FRMPD1: variants seen among roughly 807,000 people sequenced by gnomAD.
FRMPD1 encodes FERM and PDZ domain-containing protein 1.
FRMPD1 carries 76 observed loss-of-function variants against 117.8 expected under a neutral mutation model. The observed-to-expected ratio is 0.65, with a 90% CI of 0.54 to 0.78. FRMPD1 has a LOEUF of 0.78. Ranked by LOEUF, FRMPD1 falls within the 30% of genes least tolerant of loss-of-function variation. FRMPD1 has a pLI of 0.00. For synonymous variants in FRMPD1, 783 were observed against 770.4 expected (o/e 1.02, Z -0.27); for missense variants, 1,786 against 1,964.5 (o/e 0.91, Z 1.72).
Position 37,658,541 on chromosome 9 carries a change from G to A in FRMPD1, c.-5+7447G>A, listed in dbSNP as rs191659345. Among the ~76,000 whole-genome samples the A allele has an allele frequency of 4.6e-5, 7 of 152,304 alleles. No homozygotes were observed. In the East Asian group the frequency reaches 1.3e-3, roughly 29 times the overall value. On this transcript the variant is annotated intron_variant, in intron 1 of 15. Transcript: ENST00000377765. Reference sequence around the variant, plus strand: ...CTGGAGGCCAGAAGTACAAAATCGAGATGTTGGTAGTGCTGCTGTCCCACT... The same window carrying A: ...CTGGAGGCCAGAAGTACAAAATCGAAATGTTGGTAGTGCTGCTGTCCCACT...
intron 12 of FRMPD1, among the ~76,000 whole-genome samples, chr9:37,735,092 G>T (rs1450828696): frequency 6.6e-6 from 1 of 152,190 alleles, no homozygotes; most frequent in Non-Finnish European, 1.5e-5. Flanking sequence ...ATTAAAATAA[G>T]AAGTCATAAG....
chr9:37,699,279 A>T (rs1822446034), intron 2 of FRMPD1, among the ~76,000 whole-genome samples: 1 of 151,888 alleles, frequency 6.6e-6, no homozygotes, highest in South Asian at 2.1e-4. Context: ...ATACTATTAA[A>T]ACAAATAAGC....
chr9:37,733,890 ATG>A (rs1824007139), intron 12 of FRMPD1, 65 bp downstream of exon 12: 5 of 930,880 alleles, frequency 5.4e-6, no homozygotes, highest in Non-Finnish European at 8.8e-6. Flanking sequence ...CTGAAAATCA[ATG>A]TGTCTTTTAG....
rs549108063 is a variant in FRMPD1 at position 37,743,353 on chromosome 9, G to A, written c.2357-1036G>A. On this transcript the variant is annotated intron_variant, in intron 15 of 15. Transcript: ENST00000377765. Reference sequence around the variant, plus strand: ...GCACCATTGGCACTAAAAGACTTGGGTTAACATCAGCACAAAGAAAAAGTG... The same window carrying A: ...GCACCATTGGCACTAAAAGACTTGGATTAACATCAGCACAAAGAAAAAGTG... 1.1e-4 allele frequency among the ~76,000 whole-genome samples: 16 copies of A among 152,140 alleles called. 1 individual carries two copies. The South Asian group carries it at 1.7e-3, about 16-fold the overall frequency.
At chr9:37,708,636 T>C (rs1226164114) in intron 4 of FRMPD1, 135 bp downstream of exon 4, 4 of 596,848 alleles carry the variant, frequency 6.7e-6, no homozygotes, top group Non-Finnish European at 1.2e-5. Context: ...AACAGCCTCG[T>C]TTTAGAGTTC....
At chr9:37,692,456 A>C (rs1264083523) in intron 1 of FRMPD1, among the ~76,000 whole-genome samples, 182 bp from the exon 2 acceptor site, 1 of 152,204 alleles carries the variant, frequency 6.6e-6, no homozygotes, top group South Asian at 2.1e-4. Flanking sequence ...GAGGGTTGCT[A>C]AAGTTGTTCA....
At chr9:37,650,786 G>C (rs1820643641), upstream of FRMPD1, among the ~76,000 whole-genome samples, 1 of 151,152 alleles carries the variant, frequency 6.6e-6, no homozygotes, top group African/African-American at 2.4e-5. Flanking sequence ...GCGGCGGGCC[G>C]GGACCTCGGA....
At chr9:37,706,894 G>A (rs949696539) in intron 2 of FRMPD1, among the ~76,000 whole-genome samples, 3 of 152,150 alleles carry the variant, frequency 2.0e-5, no homozygotes, top group African/African-American at 7.2e-5. Context: ...CCAGCAGTAT[G>A]TCCTGCCTGG....
the FRMPD1 span, among the ~76,000 whole-genome samples, chr9:37,622,098 A>G: frequency 2.6e-5 from 4 of 152,180 alleles, no homozygotes; most frequent in Non-Finnish European, 5.9e-5. Flanking sequence ...TAATACTTTC[A>G]TAGTGGATTA....
At chr9:37,677,577 G>A (rs1461906611) in intron 1 of FRMPD1, among the ~76,000 whole-genome samples, 1 of 152,208 alleles carries the variant, frequency 6.6e-6, no homozygotes. Context: ...GGAGGCTAAG[G>A]GAACTTGTCC....
chr9:37,724,165 C>T, intron 6 of FRMPD1, 60 bp from the exon 7 acceptor site: 1 of 852,380 alleles, frequency 1.2e-6, no homozygotes, highest in Non-Finnish European at 2.0e-6. Flanking sequence ...CAGAGAGAGA[C>T]CCTGTCTCCA....
intron 5 of FRMPD1, among the ~76,000 whole-genome samples, chr9:37,717,430 A>T (rs896084951): frequency 7.1e-6 from 1 of 141,132 alleles, no homozygotes. Context: ...TCCAGGCTGG[A>T]GTACAGTGGT....
At chr9:37,679,404 C>G (rs190602240) in intron 1 of FRMPD1, among the ~76,000 whole-genome samples, 132 of 152,338 alleles carry the variant, frequency 8.7e-4, no homozygotes, top group Admixed American at 1.4e-3. Context: ...TTTACTCATT[C>G]AAAGCATACA....
At chr9:37,631,172 A>G in the FRMPD1 span, among the ~76,000 whole-genome samples, 11 of 152,368 alleles carry the variant, frequency 7.2e-5, no homozygotes, top group South Asian at 2.3e-3. Context: ...ACAGCATGTT[A>G]AAAAGCACTT....
intron 6 of FRMPD1, among the ~76,000 whole-genome samples, chr9:37,721,338 T>G (rs1007492549): frequency 1.3e-5 from 2 of 152,208 alleles, no homozygotes; most frequent in African/African-American, 4.8e-5. Context: ...ACTTTTCCCC[T>G]TGGAACATGA....
At chr9:37,711,235 A>G in intron 4 of FRMPD1, 115 bp from the exon 5 acceptor site, 2 of 750,906 alleles carry the variant, frequency 2.7e-6, no homozygotes, top group East Asian at 2.5e-5. Flanking sequence ...GCTGCTTTAT[A>G]CTCATTCTGC....
chr9:37,743,107 C>T (rs1320246928), intron 15 of FRMPD1, among the ~76,000 whole-genome samples: 1 of 152,160 alleles, frequency 6.6e-6, no homozygotes, highest in Non-Finnish European at 1.5e-5. Flanking sequence ...TGGCTGATTC[C>T]CAAGGGTTCT....
At chr9:37,647,369 G>T (rs906320463), upstream of FRMPD1, among the ~76,000 whole-genome samples, 18 of 151,970 alleles carry the variant, frequency 1.2e-4, no homozygotes, top group African/African-American at 4.1e-4. Flanking sequence ...AAAATTAACC[G>T]GGCGGGGTGG....
the FRMPD1 span, among the ~76,000 whole-genome samples, chr9:37,634,822 T>C: frequency 6.6e-6 from 1 of 151,930 alleles, no homozygotes; most frequent in Non-Finnish European, 1.5e-5. Flanking sequence ...TACATAGGTA[T>C]ACGTGTGCCA....
Sources: gnomAD v4.1 joint callset for allele counts (sites outside exome capture counted in the v4.1 genomes callset) on GRCh38, gnomAD v4.1.1 for gene constraint, MANE v1.5 for transcripts, NCBI Gene and HGNC (gene_info 2026-07-23, HGNC 2026-07-21) for gene names.